The following RBFOX1 variants were observed in gnomAD, a reference collection of about 807,000 sequenced individuals.
RBFOX1 encodes the protein RNA binding fox-1 homolog 1, also known as RNA binding protein fox-1 homolog 1.
A neutral mutation model predicts 57.7 loss-of-function variants in RBFOX1; 8 were observed. That is an observed-to-expected ratio of 0.14 (90% confidence interval 0.08 to 0.25). The LOEUF (loss-of-function observed/expected upper bound fraction) is 0.25. Ranked by LOEUF, RBFOX1 falls within the 10% of genes least tolerant of loss-of-function variation. The pLI is 1.00. For missense variants in RBFOX1, 611 were observed against 548.5 expected (o/e 1.11, Z -1.14); for synonymous variants, 326 against 222.4 (o/e 1.47, Z -4.15).
intron 11 of RBFOX1, among the ~76,000 whole-genome samples, chr16:7,632,395 A>G (rs1383482693): frequency 6.6e-6 from 1 of 152,136 alleles, no homozygotes; most frequent in Non-Finnish European, 1.5e-5. Context: ...TGAAATTGTA[A>G]TGTTACTACA....
At chr16:6,713,574 T>C (rs1374739848) in intron 3 of RBFOX1, among the ~76,000 whole-genome samples, 2 of 152,128 alleles carry the variant, frequency 1.3e-5, no homozygotes, top group African/African-American at 4.8e-5. Flanking sequence ...TCTCTCCAGA[T>C]ATTTTCAAGT....
chr16:6,004,413 T>A (rs1423317146), intron 4 of RBFOX1, among the ~76,000 whole-genome samples: 1 of 152,142 alleles, frequency 6.6e-6, no homozygotes, highest in Non-Finnish European at 1.5e-5. Context: ...TGTAAAGATT[T>A]AGGAAAGTGT....
chr16:5,327,389 C>T (rs571810995), intron 1 of RBFOX1, among the ~76,000 whole-genome samples: 1 of 152,204 alleles, frequency 6.6e-6, no homozygotes, highest in Non-Finnish European at 1.5e-5. Context: ...GGACCACTCT[C>T]TTAAGAATGC....
intron 3 of RBFOX1, among the ~76,000 whole-genome samples, chr16:6,826,519 T>TGGCAGTGTG (rs1233927575): frequency 6.6e-6 from 1 of 152,184 alleles, no homozygotes; most frequent in Non-Finnish European, 1.5e-5. Flanking sequence ...GTTCCATAAG[T>TGGCAGTGTG]GGCAGTGTGG....
chr16:5,602,837 G>C (rs1018821749), downstream of RBFOX1, among the ~76,000 whole-genome samples: 6 of 152,144 alleles, frequency 3.9e-5, no homozygotes, highest in Admixed American at 6.5e-5. Flanking sequence ...ACTAATACTA[G>C]TAATAGTAAT....
At chr16:6,004,607 T>G (rs978399492) in intron 4 of RBFOX1, among the ~76,000 whole-genome samples, 1 of 152,222 alleles carries the variant, frequency 6.6e-6, no homozygotes, top group Non-Finnish European at 1.5e-5. Context: ...TCATTTAACA[T>G]GCACTCTCAA....
intron 4 of RBFOX1, among the ~76,000 whole-genome samples, chr16:7,366,535 C>G (rs965320819): frequency 1.3e-5 from 2 of 152,172 alleles, no homozygotes; most frequent in African/African-American, 4.8e-5. Context: ...TCTGTCCTTC[C>G]TCCCTGGTCC....
At chr16:6,299,923 C>T (rs987783174) in intron 1 of RBFOX1, among the ~76,000 whole-genome samples, 1 of 152,186 alleles carries the variant, frequency 6.6e-6, no homozygotes, top group Non-Finnish European at 1.5e-5. Flanking sequence ...AACAAACCTG[C>T]TTGTGTGCCC....
In RBFOX1 at chr16:7,561,276, G is replaced by A. The variant is rs1389108820; in HGVS notation, c.271-18501G>A. Among the ~76,000 whole-genome samples, 6 of 152,284 alleles carry A rather than the reference G, an allele frequency of 3.9e-5. No homozygotes were observed. The East Asian group carries it at 1.2e-3, about 29-fold the overall frequency. ...TTTGTTTACATATTACCCCATGGATGCTTTTATGTACAGCATGGCTTATGA... is the reference window on the plus strand; with the variant it reads ...TTTGTTTACATATTACCCCATGGATACTTTTATGTACAGCATGGCTTATGA... On this transcript the variant is annotated intron_variant, in intron 5 of 15. Transcript: ENST00000550418.
intron 3 of RBFOX1, among the ~76,000 whole-genome samples, chr16:5,658,763 T>G (rs969247336): frequency 1.4e-5 from 2 of 142,772 alleles, no homozygotes; most frequent in Admixed American, 1.4e-4. Context: ...TATATATGTG[T>G]ATGTATATAT....
chr16:7,518,040 C>A, intron 4 of RBFOX1, 107 bp from the exon 5 acceptor site: 1 of 1,403,456 alleles, frequency 7.1e-7, no homozygotes, highest in Non-Finnish European at 9.7e-7. Context: ...CATGGTGACC[C>A]CTAGAAAGTA....
chr16:6,939,148 C>G (rs6500887), intron 3 of RBFOX1, among the ~76,000 whole-genome samples: 2 of 152,072 alleles, frequency 1.3e-5, no homozygotes, highest in Admixed American at 6.5e-5. Flanking sequence ...ACACCACTAA[C>G]TAATGGCATA....
At chr16:7,431,637 G>T (rs561065675) in intron 4 of RBFOX1, among the ~76,000 whole-genome samples, 6 of 152,170 alleles carry the variant, frequency 3.9e-5, no homozygotes, top group Admixed American at 6.6e-5. Context: ...CGCCATCACT[G>T]TCCAGTTTCA....
chr16:6,491,066 C>G (rs57891575), intron 2 of RBFOX1, among the ~76,000 whole-genome samples: 5,089 of 151,996 alleles, frequency 0.033, 282 homozygotes, highest in African/African-American at 0.11. Context: ...TAGATACTAT[C>G]TATTAGTATG....
intron 4 of RBFOX1, among the ~76,000 whole-genome samples, chr16:7,176,565 A>T (rs985901733): frequency 6.6e-6 from 1 of 152,166 alleles, no homozygotes; most frequent in Non-Finnish European, 1.5e-5. Flanking sequence ...CTTCATTTGC[A>T]TATCGATTAT....
At position 7,567,242 on chromosome 16, in the gene RBFOX1, C is replaced by CCTATAT. The variant is rs1555611945; in HGVS notation, c.271-12535_271-12534insCTATAT. Among the ~76,000 whole-genome samples the CCTATAT allele has an allele frequency of 2.2e-3, 154 of 70,914 alleles. 1 individual carries two copies. The highest frequency in any genetic ancestry group is 7.5e-3 in the African/African-American group (146 of 19,388). 46.5% of individuals were successfully genotyped at this position (70,914 alleles called of 152,430 possible). On this transcript the variant is annotated intron_variant, in intron 5 of 15. Transcript: ENST00000550418. ...ATATATATATCCCTATATATATATC[C>CCTATAT]ATATATCCCTATATATATATATCCC...
chr16:6,039,889 C>A (rs2095417765), intron 1 of RBFOX1, among the ~76,000 whole-genome samples: 3 of 152,198 alleles, frequency 2.0e-5, no homozygotes, highest in Non-Finnish European at 4.4e-5. Context: ...CCAGGCTCAC[C>A]TGTGTGTGTT....
chr16:6,944,397 G>GAAAAAAAA (rs199499186), intron 3 of RBFOX1, among the ~76,000 whole-genome samples: 2 of 106,114 alleles, frequency 1.9e-5, no homozygotes, highest in African/African-American at 3.7e-5. Flanking sequence ...CCATCTCAGA[G>GAAAAAAAA]AAAAAAAAAA....
At chr16:6,867,005 TAGCTGTTCTTTAA>T (rs200803746) in intron 3 of RBFOX1, among the ~76,000 whole-genome samples, 3 of 108,792 alleles carry the variant, frequency 2.8e-5, no homozygotes, top group South Asian at 3.3e-4. Context: ...GAGTCTGTGT[TAGCTGTTCTTTAA>T]AAAAAAAAAA....
Sources: gnomAD v4.1 joint callset for allele counts (sites outside exome capture counted in the v4.1 genomes callset) on GRCh38, gnomAD v4.1.1 for gene constraint, MANE v1.5 for transcripts, NCBI Gene and HGNC (gene_info 2026-07-23, HGNC 2026-07-21) for gene names.